The following PHYHIPL variants were observed in gnomAD, a reference collection of about 807,000 sequenced individuals.
PHYHIPL encodes the protein phytanoyl-CoA hydroxylase-interacting protein-like.
PHYHIPL carries 9 observed loss-of-function variants against 33.4 expected under a neutral mutation model. The ratio of observed to expected loss-of-function variants is 0.27; its 90% CI spans 0.16 to 0.47. PHYHIPL has a LOEUF of 0.47. Ranked by LOEUF, PHYHIPL falls within the 20% of genes least tolerant of loss-of-function variation. The probability of loss-of-function intolerance (pLI) is 0.99; values close to 1 mark genes in which losing one functional copy is unlikely to be tolerated. For synonymous variants in PHYHIPL, 153 were observed against 154.1 expected (o/e 0.99, Z 0.05); for missense variants, 365 against 460.7 (o/e 0.79, Z 1.90).
chr10:59,204,093 G>T (rs1396906411), intron 1 of PHYHIPL, among the ~76,000 whole-genome samples: 1 of 152,110 alleles, frequency 6.6e-6, no homozygotes, highest in Non-Finnish European at 1.5e-5. Flanking sequence ...GAATATAAAG[G>T]ATTTATAGAA....
rs1311708876 is a variant in PHYHIPL, at chr10:59,176,734, C to T, written c.-120C>T. ...CCTCAGCCTCGGCGCCGCATCACCG[C>T]GTCCCAGGCCTCCTTCCCTCCCTCT... On this transcript the variant is annotated 5_prime_UTR_variant, in exon 1 of 5. Transcript: ENST00000373880. The T allele has an allele frequency of 4.5e-6, 4 of 880,388 alleles. No individual in the cohort carries two copies. The highest frequency in any genetic ancestry group is 1.8e-5 in the South Asian group (1 of 57,008). The allele number at this position is 880,388 out of a possible 1,614,324, so 54.5% of individuals were successfully genotyped here.
At chr10:59,230,462 G>A (rs1160325072) in intron 1 of PHYHIPL, among the ~76,000 whole-genome samples, 4 of 152,102 alleles carry the variant, frequency 2.6e-5, no homozygotes, top group East Asian at 1.9e-4. Flanking sequence ...CAATCAGCCC[G>A]CCTCAGTTTC....
chr10:59,203,480 T>C (rs373682408), intron 1 of PHYHIPL, among the ~76,000 whole-genome samples: 1 of 152,124 alleles, frequency 6.6e-6, no homozygotes, highest in African/African-American at 2.4e-5. Context: ...ATGTTTATTG[T>C]GGCAGTATTC....
intron 1 of PHYHIPL, among the ~76,000 whole-genome samples, chr10:59,182,770 G>C (rs935878478): frequency 6.6e-6 from 1 of 152,058 alleles, no homozygotes; most frequent in African/African-American, 2.4e-5. Context: ...TATGTTAAGG[G>C]TAGGGACTGG....
At chr10:59,178,412 G>C (rs1838314019) in intron 1 of PHYHIPL, among the ~76,000 whole-genome samples, 1 of 152,094 alleles carries the variant, frequency 6.6e-6, no homozygotes, top group South Asian at 2.1e-4. Context: ...AAGCTTGCAT[G>C]ATTATAGACT....
At chr10:59,232,369 A>T (rs1483091999) in intron 1 of PHYHIPL, among the ~76,000 whole-genome samples, 1 of 151,968 alleles carries the variant, frequency 6.6e-6, no homozygotes, top group Non-Finnish European at 1.5e-5. Context: ...AATTCTTTCT[A>T]GGCTTGAGCT....
intron 4 of PHYHIPL, among the ~76,000 whole-genome samples, chr10:59,241,407 T>G (rs1467950290): frequency 2.0e-5 from 3 of 152,152 alleles, no homozygotes; most frequent in African/African-American, 7.2e-5. Flanking sequence ...AAATGAACAT[T>G]ACTTTCCCAT....
chr10:59,245,896 G>T lies in PHYHIPL; in HGVS notation c.*305G>T. 3.4e-6 allele frequency: 1 copy of T among 291,098 alleles called. No individual in the cohort carries two copies. Among genetic ancestry groups the T allele is most frequent in the Non-Finnish European group, 6.4e-6 (1 of 155,186 alleles). The allele number at this position is 291,098 out of a possible 1,614,324, so 18.0% of individuals were successfully genotyped here. A position where few individuals can be genotyped will look rare whatever the true frequency, so the allele number is the denominator to read the frequency against. ...CCAAACATAACAAAACAGTTATATAGACTGCTTTAGCAAAGTACACAATAA... is the reference window on the plus strand; with the variant it reads ...CCAAACATAACAAAACAGTTATATATACTGCTTTAGCAAAGTACACAATAA... On this transcript the variant is annotated 3_prime_UTR_variant, in exon 5 of 5. Transcript: ENST00000373880.
chr10:59,206,897 T>C, intron 1 of PHYHIPL: 2 of 733,778 alleles, frequency 2.7e-6, no homozygotes, highest in Non-Finnish European at 1.7e-6. Context: ...CCCCAAATTA[T>C]GGAAAGTGTG....
intron 1 of PHYHIPL, among the ~76,000 whole-genome samples, chr10:59,178,045 A>G (rs1838302319): frequency 6.6e-6 from 1 of 152,176 alleles, no homozygotes; most frequent in South Asian, 2.1e-4. Context: ...CATAAAATTT[A>G]TCAGCCTAAT....
rs1017313113 is a variant in PHYHIPL, at chr10:59,244,943, G to A, written c.597-114G>A. 10 of 1,036,572 alleles carry A rather than the reference G, an allele frequency of 9.6e-6. No homozygotes were observed. The Admixed American group carries it at 1.9e-4, about 20-fold the overall frequency. The allele number at this position is 1,036,572 out of a possible 1,614,324, so 64.2% of individuals were successfully genotyped here. ...TGTTGTCCCCTTATTCTGATAGTAA[G>A]AGAGGTATTCAGGCCTTTAACAGTA... On this transcript the variant is annotated intron_variant, in intron 4 of 4. Transcript: ENST00000373880.
At chr10:59,218,928 T>C (rs547531240) in intron 1 of PHYHIPL, among the ~76,000 whole-genome samples, 76 of 152,004 alleles carry the variant, frequency 5.0e-4, no homozygotes, top group African/African-American at 1.8e-3. Flanking sequence ...TTATTTTTAT[T>C]TTATTTTATT....
At chr10:59,234,021 C>T (rs7904347) in intron 1 of PHYHIPL, among the ~76,000 whole-genome samples, 149,992 of 151,838 alleles carry the variant, frequency 0.99, 74,112 homozygotes, top group Middle Eastern at 1. Context: ...ACACCTGATA[C>T]TACTTTAGAG....
chr10:59,203,462 G>A (rs113010421), intron 1 of PHYHIPL, among the ~76,000 whole-genome samples: 7,001 of 152,066 alleles, frequency 0.046, 449 homozygotes, highest in African/African-American at 0.14. Context: ...AAAGACACAC[G>A]CACACGTATG....
chr10:59,242,386 A>C (rs1280273219), intron 4 of PHYHIPL, among the ~76,000 whole-genome samples: 1 of 151,494 alleles, frequency 6.6e-6, no homozygotes, highest in Non-Finnish European at 1.5e-5. Context: ...ACATCAATGA[A>C]GTGACTACCC....
rs2133316395 is a variant in PHYHIPL, at chr10:59,246,024, A to C, written c.*433A>C. 1 of 155,406 alleles carries C rather than the reference A, an allele frequency of 6.4e-6. No homozygotes were observed. Among genetic ancestry groups the C allele is most frequent in the Non-Finnish European group, 1.4e-5 (1 of 69,906 alleles). The allele number at this position is 155,406 out of a possible 1,614,324, so 9.6% of individuals were successfully genotyped here. A position where few individuals can be genotyped will look rare whatever the true frequency, so the allele number is the denominator to read the frequency against. On this transcript the variant is annotated 3_prime_UTR_variant, in exon 5 of 5. Transcript: ENST00000373880. ...AAGGGTGTAATTGCAGCATGAGTTAAATCTTGAAGCCTAGAATTGTCAGCA... is the reference window on the plus strand; with the variant it reads ...AAGGGTGTAATTGCAGCATGAGTTACATCTTGAAGCCTAGAATTGTCAGCA...
intron 1 of PHYHIPL, among the ~76,000 whole-genome samples, chr10:59,233,575 GATCCATCAA>G (rs1840139207): frequency 6.6e-6 from 1 of 151,504 alleles, no homozygotes; most frequent in Admixed American, 6.6e-5. Context: ...TTTGTCCTAT[GATCCATCAA>G]ATCCTGCTCT....
chr10:59,180,560 G>A (rs1171631024), intron 1 of PHYHIPL, among the ~76,000 whole-genome samples: 2 of 151,200 alleles, frequency 1.3e-5, no homozygotes, highest in African/African-American at 2.4e-5. Flanking sequence ...GTCCAGATAC[G>A]GTATAAACCA....
chr10:59,194,090 T>G (rs996774079), intron 1 of PHYHIPL, among the ~76,000 whole-genome samples: 5 of 148,936 alleles, frequency 3.4e-5, no homozygotes, highest in Non-Finnish European at 6.0e-5. Context: ...GTTTTTTTTT[T>G]TTTTTTTTTT....
Sources: gnomAD v4.1 joint callset for allele counts (sites outside exome capture counted in the v4.1 genomes callset) on GRCh38, gnomAD v4.1.1 for gene constraint, MANE v1.5 for transcripts, NCBI Gene and HGNC (gene_info 2026-07-23, HGNC 2026-07-21) for gene names.